ATP8A2: variants seen among roughly 807,000 people sequenced by gnomAD.
The protein encoded by ATP8A2 is phospholipid-transporting ATPase IB.
In ATP8A2, 100 loss-of-function variants were observed where a neutral mutation model predicts 165.6. The observed-to-expected ratio is 0.60, with a 90% CI of 0.51 to 0.71. The LOEUF is 0.71. ATP8A2 is among the 30% of genes least tolerant of loss of function. The probability of loss-of-function intolerance (pLI) is 0.00; values close to 1 mark genes in which losing one functional copy is unlikely to be tolerated. For missense variants in ATP8A2, 1,227 were observed against 1,479.5 expected (o/e 0.83, Z 2.80); for synonymous variants, 543 against 548.8 (o/e 0.99, Z 0.15).
rs151067220 is a variant in ATP8A2 at position 25,475,131 on chromosome 13, C to T, written c.221+6010C>T. On this transcript the variant is annotated intron_variant, in intron 2 of 36. Coordinates refer to ENST00000381655, the MANE Select transcript of ATP8A2 (RefSeq NM_016529.6). ...CACACCTGTAATAGGCCACTGTGCC[C>T]GGCCTCAATAGTTATTTTTTCTGCA... Among the ~76,000 whole-genome samples the T allele has an allele frequency of 5.9e-4, 89 of 152,034 alleles. 1 individual carries two copies. Among genetic ancestry groups the T allele is most frequent in the African/African-American group, 1.8e-3 (75 of 41,474 alleles).
chr13:26,018,740 G>A (rs1957035865), intron 36 of ATP8A2, among the ~76,000 whole-genome samples: 1 of 152,108 alleles, frequency 6.6e-6, no homozygotes, highest in African/African-American at 2.4e-5. Flanking sequence ...GTGGACCCTG[G>A]GTTTGCTTCC....
At chr13:25,704,916 G>A (rs2043024452) in intron 25 of ATP8A2, among the ~76,000 whole-genome samples, 1 of 152,132 alleles carries the variant, frequency 6.6e-6, no homozygotes, top group African/African-American at 2.4e-5. Context: ...GGCTGTGTCA[G>A]CTAATTCATT....
chr13:25,418,742 C>T (rs2034208728), intron 1 of ATP8A2, among the ~76,000 whole-genome samples: 1 of 152,128 alleles, frequency 6.6e-6, no homozygotes, highest in African/African-American at 2.4e-5. Flanking sequence ...ATTCGCAGAG[C>T]TCAGACAATG....
intron 1 of ATP8A2, among the ~76,000 whole-genome samples, chr13:25,389,594 C>T (rs1274350160): frequency 1.3e-5 from 2 of 152,166 alleles, no homozygotes; most frequent in Non-Finnish European, 2.9e-5. Context: ...CATTTGTGAA[C>T]CTGTTTATCA....
intron 24 of ATP8A2, among the ~76,000 whole-genome samples, chr13:25,650,377 A>G (rs1036023092): frequency 6.6e-6 from 1 of 152,118 alleles, no homozygotes; most frequent in Non-Finnish European, 1.5e-5. Flanking sequence ...CTCTTTGTAC[A>G]TTAGTTTTGT....
At chr13:25,784,826 C>T (rs922561911) in intron 27 of ATP8A2, among the ~76,000 whole-genome samples, 30 of 152,022 alleles carry the variant, frequency 2.0e-4, no homozygotes, top group Admixed American at 4.6e-4. Flanking sequence ...AGTGCAATGG[C>T]GTGATCTCAG....
chr13:25,778,514 A>C (rs1009431969), intron 27 of ATP8A2, among the ~76,000 whole-genome samples: 1 of 152,210 alleles, frequency 6.6e-6, no homozygotes, highest in Non-Finnish European at 1.5e-5. Context: ...TTAATTTAGT[A>C]CTGTTTTCTG....
intron 2 of ATP8A2, among the ~76,000 whole-genome samples, chr13:25,503,279 T>C (rs1327605806): frequency 2.0e-5 from 3 of 152,164 alleles, no homozygotes; most frequent in Non-Finnish European, 4.4e-5. Flanking sequence ...TGGGTACTGG[T>C]TGAGAAGAAA....
chr13:25,673,967 G>A (rs917378399), intron 24 of ATP8A2, among the ~76,000 whole-genome samples: 47 of 152,316 alleles, frequency 3.1e-4, no homozygotes, highest in African/African-American at 1.0e-3. Context: ...TTTTCAACAA[G>A]CTGTTTTTTG....
intron 33 of ATP8A2, among the ~76,000 whole-genome samples, chr13:25,908,460 C>T (rs1420504770): frequency 1.3e-5 from 2 of 152,176 alleles, no homozygotes; most frequent in African/African-American, 2.4e-5. Flanking sequence ...GTAATGAAGC[C>T]GAGATTGTTC....
At chr13:25,673,780 C>T (rs1242497923) in intron 24 of ATP8A2, among the ~76,000 whole-genome samples, 1 of 152,040 alleles carries the variant, frequency 6.6e-6, no homozygotes, top group Non-Finnish European at 1.5e-5. Context: ...TAAAATGAGT[C>T]CAGTAATTCA....
chr13:25,634,898 G>C (rs750068397), intron 24 of ATP8A2, among the ~76,000 whole-genome samples: 16 of 152,126 alleles, frequency 1.1e-4, no homozygotes, highest in Non-Finnish European at 2.2e-4. Context: ...TTTAGCAATT[G>C]TTTAGAAACC....
At chr13:25,504,939 C>G (rs374263560) in intron 2 of ATP8A2, among the ~76,000 whole-genome samples, 1 of 152,018 alleles carries the variant, frequency 6.6e-6, no homozygotes, top group Non-Finnish European at 1.5e-5. Flanking sequence ...CTATTAACTT[C>G]GGTTTGTATT....
chr13:25,984,146 G>A (rs1178355629), intron 35 of ATP8A2, among the ~76,000 whole-genome samples: 39 of 151,624 alleles, frequency 2.6e-4, no homozygotes, highest in Non-Finnish European at 1.5e-5. Context: ...CTGAGGCATG[G>A]GGATCGTTTG....
At chr13:25,588,530 A>T (rs1026426293) in intron 23 of ATP8A2, among the ~76,000 whole-genome samples, 12 of 152,190 alleles carry the variant, frequency 7.9e-5, no homozygotes, top group Non-Finnish European at 1.0e-4. Context: ...TGTGAGGAGA[A>T]TCCTTACTCC....
intron 35 of ATP8A2, among the ~76,000 whole-genome samples, chr13:26,008,705 A>C (rs1261188405): frequency 6.6e-6 from 1 of 152,220 alleles, no homozygotes. Context: ...TGTAAAAGCA[A>C]CCAGAAGGAA....
At chr13:25,554,237 T>C (rs2038909109) in intron 12 of ATP8A2, among the ~76,000 whole-genome samples, 2 of 152,150 alleles carry the variant, frequency 1.3e-5, no homozygotes. Flanking sequence ...AAAAGGCCTC[T>C]TGGGTGTGTT....
intron 35 of ATP8A2, among the ~76,000 whole-genome samples, chr13:25,995,492 G>A (rs1956479824): frequency 6.6e-6 from 1 of 151,482 alleles, no homozygotes; most frequent in South Asian, 2.1e-4. Flanking sequence ...AAATTGTAAT[G>A]TATTTTCTTT....
chr13:25,436,443 A>G (rs144147226), intron 1 of ATP8A2, among the ~76,000 whole-genome samples: 2,079 of 152,270 alleles, frequency 0.014, 51 homozygotes, highest in African/African-American at 0.048. Flanking sequence ...ACATTATCTC[A>G]TTCTTTTTTA....
Sources: allele counts gnomAD v4.1 joint callset (sites outside exome capture counted in the v4.1 genomes callset), GRCh38; gene constraint gnomAD v4.1.1; transcripts MANE v1.5; gene names NCBI Gene and HGNC (gene_info 2026-07-23, HGNC 2026-07-21).